CLDN18: variants seen among roughly 807,000 people sequenced by gnomAD.
CLDN18 encodes claudin 18.
In CLDN18, 20 loss-of-function variants were observed where a neutral mutation model predicts 25.0. That is an observed-to-expected ratio of 0.80 (90% confidence interval 0.56 to 1.16). CLDN18 has a LOEUF of 1.16. Ranked by LOEUF, CLDN18 falls within the 50% of genes most tolerant of loss-of-function variation. The pLI, the probability that CLDN18 is intolerant of heterozygous loss-of-function variation, is 0.00. For missense variants in CLDN18, 297 were observed against 345.4 expected, an observed-to-expected ratio of 0.86 and a Z score of 1.11; for synonymous variants, 125 against 135.6, an observed-to-expected ratio of 0.92 and a Z score of 0.54.
Position 138,032,438 on chromosome 3 carries a change from T to A in CLDN18, c.*1297T>A, listed in dbSNP as rs1226466022. The A allele has an allele frequency of 6.7e-6, 1 of 149,172 alleles. No homozygotes were observed. Among genetic ancestry groups the A allele is most frequent in the Non-Finnish European group, 1.5e-5 (1 of 67,256 alleles). 9.2% of individuals were successfully genotyped at this position (149,172 alleles called of 1,614,324 possible). A position where few individuals can be genotyped will look rare whatever the true frequency, so the allele number is the denominator to read the frequency against. On this transcript the variant is annotated 3_prime_UTR_variant, in exon 5 of 5. Coordinates refer to ENST00000183605, the MANE Select transcript of CLDN18 (RefSeq NM_016369.4). ...AGATCCTGTCTAAAAAAATAAAAAA[T>A]AAATAATGGAACACAGCAAGTCCTA...
chr3:138,029,492 C>G (rs965580808), intron 3 of CLDN18, among the ~76,000 whole-genome samples: 1 of 152,200 alleles, frequency 6.6e-6, no homozygotes, highest in African/African-American at 2.4e-5. Context: ...AAGACACTTT[C>G]TTTTGCCAGT....
chr3:137,999,066 C>G lies in CLDN18; in HGVS notation c.198C>G (p.Tyr66Ter). Residue 66 changes from tyrosine (Y) to a stop codon, truncating the protein, a stop_gained, in exon 1 of 5, where the codon TAC (tyrosine) becomes TAG (stop). Transcript: ENST00000343735. LOFTEE classifies it high-confidence loss of function. ...CTGGCTTCACCGAGTGCCGGGGCTA[C>G]TTCACCCTGCTGGGGCTGCCAGGTA... The G allele has an allele frequency of 6.2e-7, 1 of 1,614,162 alleles. No individual in the cohort carries two copies. The highest frequency in any genetic ancestry group is 8.5e-7 in the Non-Finnish European group (1 of 1,180,014).
chr3:137,998,969 A>T (rs756295837), exon 1 of CLDN18: 3 of 1,614,168 alleles, frequency 1.9e-6, no homozygotes, highest in East Asian at 4.5e-5. Flanking sequence ...AGCACCCAAG[A>T]CTTGTACAAC....
At chr3:138,025,605 C>G (rs559506277) in intron 3 of CLDN18, among the ~76,000 whole-genome samples, 1 of 152,256 alleles carries the variant, frequency 6.6e-6, no homozygotes, top group East Asian at 1.9e-4. Flanking sequence ...AATCCCCATT[C>G]ATTTTTCTGC....
intron 1 of CLDN18, among the ~76,000 whole-genome samples, chr3:138,022,683 C>A (rs1432371950): frequency 6.6e-6 from 1 of 152,180 alleles, no homozygotes; most frequent in Non-Finnish European, 1.5e-5. Context: ...CCAGACCAAC[C>A]ACACTAGGGG....
rs1942421672 is a variant in CLDN18 at position 138,033,584 on chromosome 3, G to T, written c.*2443G>T. On this transcript the variant is annotated 3_prime_UTR_variant, in exon 5 of 5. Transcript: ENST00000183605. ...TTTGTTGTTGTTGCTCTATCTTATT[G>T]TATATGCATTGAGTATTAACCTGAA... is the stretch of plus-strand genomic sequence containing the variant. The T allele has an allele frequency of 6.6e-6, 1 of 152,194 alleles. No individual in the cohort carries two copies. The allele number at this position is 152,194 out of a possible 1,614,324, so 9.4% of individuals were successfully genotyped here. A position where few individuals can be genotyped will look rare whatever the true frequency, so the allele number is the denominator to read the frequency against.
chr3:138,029,457 T>C (rs973086283), intron 3 of CLDN18, among the ~76,000 whole-genome samples: 1 of 152,194 alleles, frequency 6.6e-6, no homozygotes, highest in African/African-American at 2.4e-5. Context: ...TTTTATATCT[T>C]TCAAATTTCT....
upstream of CLDN18, among the ~76,000 whole-genome samples, chr3:138,009,825 G>A (rs1230353443): frequency 6.6e-6 from 1 of 152,230 alleles, no homozygotes; most frequent in Non-Finnish European, 1.5e-5. Flanking sequence ...TCTTAAGCGA[G>A]GTCAGCCAAA....
intron 2 of CLDN18, among the ~76,000 whole-genome samples, chr3:138,024,071 G>C (rs1942297988): frequency 6.6e-6 from 1 of 151,946 alleles, no homozygotes; most frequent in South Asian, 2.1e-4. Context: ...AGCACTTTGA[G>C]AGTCCAAGAC....
At chr3:138,018,007 A>ACAAAGCATCATGCC (rs1444342204) in intron 1 of CLDN18, among the ~76,000 whole-genome samples, 1 of 152,272 alleles carries the variant, frequency 6.6e-6, no homozygotes, top group Non-Finnish European at 1.5e-5. Flanking sequence ...GGCAGCTACC[A>ACAAAGCATCATGCC]CAAAGCATCA....
At chr3:138,029,759 G>C in intron 3 of CLDN18, 38 bp from the exon 4 acceptor site, 4 of 1,273,508 alleles carry the variant, frequency 3.1e-6, no homozygotes, top group Non-Finnish European at 3.3e-6. Flanking sequence ...CTGGAGAGTT[G>C]AGTCAACCAT....
chr3:138,010,171 T>A lies in CLDN18; in HGVS notation c.-55T>A. ...TCAGGAGCGCGTTAGCTTCACACCT[T>A]CGGCAGCAGGAGGGCGGCAGCTTCT... On this transcript the variant is annotated 5_prime_UTR_variant, in exon 1 of 5. Transcript: ENST00000183605. 1 of 1,585,636 alleles carries A rather than the reference T, an allele frequency of 6.3e-7. No individual in the cohort carries two copies. Among genetic ancestry groups the A allele is most frequent in the Non-Finnish European group, 8.6e-7 (1 of 1,166,190 alleles).
chr3:137,999,491 C>A (rs545697872), intron 1 of CLDN18, among the ~76,000 whole-genome samples: 11 of 152,322 alleles, frequency 7.2e-5, no homozygotes, highest in Admixed American at 5.2e-4. Context: ...CAGATTCCAT[C>A]TTCAGGCCTC....
At chr3:138,002,075 T>C (rs1942025205) in intron 1 of CLDN18, among the ~76,000 whole-genome samples, 1 of 152,186 alleles carries the variant, frequency 6.6e-6, no homozygotes, top group Non-Finnish European at 1.5e-5. Flanking sequence ...AGATTCTCTA[T>C]TCACATAGAA....
intron 1 of CLDN18, among the ~76,000 whole-genome samples, chr3:138,015,155 A>G (rs1191255333): frequency 6.6e-6 from 1 of 151,984 alleles, no homozygotes; most frequent in Non-Finnish European, 1.5e-5. Flanking sequence ...AATATTTTTA[A>G]AAAAATATTT....
chr3:138,021,256 A>G (rs931047600), intron 1 of CLDN18, among the ~76,000 whole-genome samples: 1 of 147,204 alleles, frequency 6.8e-6, no homozygotes, highest in African/African-American at 2.5e-5. Context: ...CTTCAAAGAG[A>G]AAAAAAAAAA....
intron 1 of CLDN18, among the ~76,000 whole-genome samples, chr3:138,014,121 G>A (rs1942173152): frequency 6.6e-6 from 1 of 152,076 alleles, no homozygotes; most frequent in Admixed American, 6.6e-5. Flanking sequence ...AGAGGTGGGA[G>A]AATTGGTGAT....
chr3:138,009,353 G>T (rs1942103366), upstream of CLDN18, among the ~76,000 whole-genome samples: 1 of 152,154 alleles, frequency 6.6e-6, no homozygotes, highest in African/African-American at 2.4e-5. Flanking sequence ...GACCTCCTGT[G>T]TCAGCCACAG....
In CLDN18 at chr3:138,029,810, G is replaced by A. The variant is rs1378543153; in HGVS notation, c.517G>A (p.Ala173Thr). The A allele has an allele frequency of 6.3e-7, 1 of 1,577,140 alleles. No homozygotes were observed. The highest frequency in any genetic ancestry group is 1.3e-5 in the African/African-American group (1 of 74,406). Reference sequence around the variant, plus strand: ...CTCCCTACCCAGGTACACATTTGGTGCGGCTCTGTTCGTGGGCTGGGTCGC... The same window carrying A: ...CTCCCTACCCAGGTACACATTTGGTACGGCTCTGTTCGTGGGCTGGGTCGC... ...QTVQTRYTFG[A>T]ALFVGWVAGG... Residue 173 changes from alanine to threonine, a missense_variant, in exon 4 of 5, where the codon GCG (alanine) becomes ACG (threonine). Coordinates refer to ENST00000183605, the MANE Select transcript of CLDN18 (RefSeq NM_016369.4).
Sources: allele counts gnomAD v4.1 joint callset (sites outside exome capture counted in the v4.1 genomes callset), GRCh38; gene constraint gnomAD v4.1.1; transcripts MANE v1.5; gene names NCBI Gene and HGNC (gene_info 2026-07-23, HGNC 2026-07-21).